The following TLR6 variants were observed in gnomAD, a reference collection of about 807,000 sequenced individuals.
TLR6 encodes toll like receptor 6, also known as toll-like receptor 6.
TLR6 carries 9 observed loss-of-function variants against 16.1 expected under a neutral mutation model. That is an observed-to-expected ratio of 0.56 (90% CI 0.34 to 0.98). The LOEUF is 0.98. Among genes scored for constraint, TLR6 ranks in the 50% least tolerant of loss-of-function variants. The probability of loss-of-function intolerance (pLI) is 0.02; values close to 1 mark genes in which losing one functional copy is unlikely to be tolerated. For missense variants in TLR6, 786 were observed against 921.0 expected (o/e 0.85, Z 1.90); for synonymous variants, 340 against 338.6 (o/e 1.00, Z -0.04).
chr4:38,857,664 AAC>A (rs758122527), upstream of TLR6, among the ~76,000 whole-genome samples: 3 of 138,346 alleles, frequency 2.2e-5, no homozygotes, highest in East Asian at 2.2e-4. Context: ...TTAAAAAAAA[AAC>A]AACAACAAGT....
chr4:38,856,057 A>G (rs891586554), intron 1 of TLR6, among the ~76,000 whole-genome samples: 1 of 152,230 alleles, frequency 6.6e-6, no homozygotes, highest in Non-Finnish European at 1.5e-5. Context: ...TCAAGTTAAC[A>G]AATAGGCAAG....
chr4:38,840,779 A>G (rs55701840), intron 1 of TLR6, among the ~76,000 whole-genome samples: 5,344 of 152,332 alleles, frequency 0.035, 242 homozygotes, highest in African/African-American at 0.091. Flanking sequence ...ACTGAAGATG[A>G]GAACATTTAA....
chr4:38,861,627 T>A (rs115533285), upstream of TLR6, among the ~76,000 whole-genome samples: 1,655 of 152,294 alleles, frequency 0.011, 30 homozygotes, highest in African/African-American at 0.037. Context: ...TACACACCCA[T>A]GCTGACTGGC....
At chr4:38,841,876 G>A (rs578174305) in intron 1 of TLR6, among the ~76,000 whole-genome samples, 119 of 152,022 alleles carry the variant, frequency 7.8e-4, no homozygotes, top group Middle Eastern at 3.4e-3. Context: ...AAATATGTAC[G>A]TCATTATTGT....
chr4:38,829,147 A>G (rs375444924), exon 2 of TLR6: 18 of 1,614,054 alleles, frequency 1.1e-5, no homozygotes, highest in African/African-American at 2.7e-5. Context: ...GCAACTGATT[A>G]TGAGATAAAT....
At chr4:38,866,423 G>A in the TLR6 span, among the ~76,000 whole-genome samples, 1 of 151,834 alleles carries the variant, frequency 6.6e-6, no homozygotes, top group Non-Finnish European at 1.5e-5. Context: ...AACCCAGTAA[G>A]CAGAGGCTGC....
upstream of TLR6, among the ~76,000 whole-genome samples, chr4:38,857,655 TAAA>T (rs36056700): frequency 6.8e-6 from 1 of 147,608 alleles, no homozygotes; most frequent in South Asian, 2.1e-4. Context: ...TCATCTTTAT[TAAA>T]AAAAAAACAA....
exon 2 of TLR6, chr4:38,828,412 T>C: frequency 6.2e-7 from 1 of 1,613,656 alleles, no homozygotes. Context: ...AAAACTTGAA[T>C]GTGCTTGGTG....
At chr4:38,866,303 C>A in the TLR6 span, among the ~76,000 whole-genome samples, 1 of 150,392 alleles carries the variant, frequency 6.6e-6, no homozygotes, top group South Asian at 2.1e-4. Context: ...ACCAGCCTGG[C>A]CAACATGGTG....
At chr4:38,829,094 T>G (rs1477146602) in exon 2 of TLR6, 1 of 1,614,110 alleles carries the variant, frequency 6.2e-7, no homozygotes, top group South Asian at 1.1e-5. Flanking sequence ...GAATGAGAGA[T>G]CTAAATGCCT....
chr4:38,846,387 A>G (rs1712532223), intron 1 of TLR6, among the ~76,000 whole-genome samples: 1 of 152,230 alleles, frequency 6.6e-6, no homozygotes, highest in Non-Finnish European at 1.5e-5. Flanking sequence ...AGTAAGAATC[A>G]TGGAAATTAT....
the TLR6 span, among the ~76,000 whole-genome samples, chr4:38,866,819 G>T: frequency 6.6e-6 from 1 of 152,202 alleles, no homozygotes; most frequent in African/African-American, 2.4e-5. Flanking sequence ...ATAAAAAATG[G>T]TAGTGATATT....
intron 1 of TLR6, among the ~76,000 whole-genome samples, chr4:38,837,649 G>T (rs572430862): frequency 2.6e-5 from 4 of 152,248 alleles, no homozygotes; most frequent in African/African-American, 4.8e-5. Context: ...AAACTACTAA[G>T]AGAAAACAGA....
At chr4:38,864,959 G>A in the TLR6 span, among the ~76,000 whole-genome samples, 1 of 152,148 alleles carries the variant, frequency 6.6e-6, no homozygotes, top group Non-Finnish European at 1.5e-5. Flanking sequence ...GCACTGAGCC[G>A]TCATCACACC....
At chr4:38,868,146 C>T in the TLR6 span, 1 of 236,084 alleles carries the variant, frequency 4.2e-6, no homozygotes, top group Non-Finnish European at 9.2e-6. Flanking sequence ...CCTCGGCCTG[C>T]GTGAACCTCC....
intron 1 of TLR6, among the ~76,000 whole-genome samples, chr4:38,832,157 T>C (rs1363758687): frequency 6.6e-6 from 1 of 152,132 alleles, no homozygotes; most frequent in Non-Finnish European, 1.5e-5. Flanking sequence ...TAAAATACTA[T>C]TGAACAATTA....
At position 38,828,681 on chromosome 4, in the gene TLR6, A is replaced by G. The variant is rs578223434; in HGVS notation, c.793T>C (p.Cys265Arg). 3 of 1,614,172 alleles carry G rather than the reference A, an allele frequency of 1.9e-6. No homozygotes were observed. In the Admixed American group the frequency reaches 5.0e-5, roughly 27 times the overall value. Residue 265 changes from cysteine to arginine, a missense_variant, in exon 2 of 2, where the codon TGC becomes CGC. Coordinates refer to ENST00000436693, the Ensembl canonical transcript of TLR6. ...AGAAATTGAAAGACTCTGACCAGGC[A>G]TTTCCAAGTCGTTTCTATGTGGTTG...
At chr4:38,838,922 AG>A (rs1168294653) in intron 1 of TLR6, among the ~76,000 whole-genome samples, 1,967 of 110,016 alleles carry the variant, frequency 0.018, 49 homozygotes, top group African/African-American at 0.069. Flanking sequence ...GAAGGGAGGG[AG>A]GGAGGGAAGG....
At chr4:38,834,769 C>T (rs1180423065) in intron 1 of TLR6, among the ~76,000 whole-genome samples, 19 of 152,158 alleles carry the variant, frequency 1.2e-4, no homozygotes, top group Non-Finnish European at 7.3e-5. Flanking sequence ...AAACTGTCAA[C>T]CAAGAAGACT....
Sources: allele counts gnomAD v4.1 joint callset (sites outside exome capture counted in the v4.1 genomes callset), GRCh38; gene constraint gnomAD v4.1.1; transcripts MANE v1.5; gene names NCBI Gene and HGNC (gene_info 2026-07-23, HGNC 2026-07-21).